The following SART3 variants were observed in gnomAD, a reference collection of about 807,000 sequenced individuals.
The protein encoded by SART3 is HIV-1 Tat-interacting protein of 110kDa.
In SART3, 44 loss-of-function variants were observed where a neutral mutation model predicts 122.3. The observed-to-expected ratio is 0.36, with a 90% confidence interval of 0.28 to 0.46. The LOEUF (loss-of-function observed/expected upper bound fraction) is 0.46, where lower values mean the gene tolerates loss of function less well. SART3 is among the 20% of genes least tolerant of loss of function. The pLI is 1.00. For synonymous variants in SART3, 442 were observed against 454.0 expected (o/e 0.97, Z 0.34); for missense variants, 1,101 against 1,229.0 (o/e 0.90, Z 1.56).
intron 5 of SART3, 95 bp from the exon 6 acceptor site, chr12:108,543,247 C>G (rs1873248710): frequency 1.4e-6 from 2 of 1,427,476 alleles, no homozygotes; most frequent in African/African-American, 2.8e-5. Flanking sequence ...CCACTAGCCC[C>G]TCCCACATCT....
chr12:108,560,309 C>A (rs2030449556), intron 1 of SART3: 1 of 162,072 alleles, frequency 6.2e-6, no homozygotes, highest in Non-Finnish European at 1.3e-5. Context: ...GAAATTCTTA[C>A]AAGCACATAC....
rs145106092 is a variant in SART3, at chr12:108,559,481, C to T, written c.312+1362G>A. On this transcript the variant is annotated intron_variant, in intron 1 of 18. Coordinates refer to ENST00000546815, the MANE Select transcript of SART3 (RefSeq NM_014706.4). ...AGGAATTCAAGAGCAGCCTGACCAACATGGTGAAACCCCGTCTCTACTAAA... is the reference window on the plus strand; with the variant it reads ...AGGAATTCAAGAGCAGCCTGACCAATATGGTGAAACCCCGTCTCTACTAAA... Among the ~76,000 whole-genome samples the T allele has an allele frequency of 2.0e-4, 30 of 152,196 alleles. 1 individual carries two copies. The East Asian group carries it at 5.4e-3, about 27-fold the overall frequency.
chr12:108,525,700 C>G lies in SART3; in HGVS notation c.2371-91G>C, dbSNP rs546351088. 1.5e-4 allele frequency: 198 copies of G among 1,344,336 alleles called. 1 individual carries two copies. The South Asian group carries it at 2.2e-3, about 15-fold the overall frequency. The allele number at this position is 1,344,336 out of a possible 1,614,324, so 83.3% of individuals were successfully genotyped here. A position where few individuals can be genotyped will look rare whatever the true frequency, so the allele number is the denominator to read the frequency against. On this transcript the variant is annotated intron_variant, in intron 16 of 18. Coordinates refer to ENST00000546815, the MANE Select transcript of SART3 (RefSeq NM_014706.4). ...CTGACACCAGCCTTGTCCCCATGAGCAGCCCAGCCAGGCAGACTAGAGCCA... is the reference window on the plus strand; with the variant it reads ...CTGACACCAGCCTTGTCCCCATGAGGAGCCCAGCCAGGCAGACTAGAGCCA...
chr12:108,524,500 C>T lies in SART3; in HGVS notation c.2530G>A (p.Ala844Thr). The stretch of plus-strand genomic sequence containing the variant: ...GATTCATTTTCATACTCCACGTAGG[C>T]CAGGCCCTGGAAGAGGCAAGATCCA... Reference protein sequence around the residue: ...TNRAGKPKGLAYVEYENESQA... With the variant: ...TNRAGKPKGLTYVEYENESQA... Residue 844 changes from alanine (A) to threonine (T), a missense_variant, in exon 18 of 19, where the codon GCC (alanine) becomes ACC (threonine). Ala to Thr is a moderately conservative substitution (Grantham distance 58). Transcript: ENST00000546815. 6.2e-7 allele frequency: 1 copy of T among 1,614,148 alleles called. No homozygotes were observed. Among genetic ancestry groups the T allele is most frequent in the Non-Finnish European group, 8.5e-7 (1 of 1,179,994 alleles).
chr12:108,549,323 C>T, intron 1 of SART3, 109 bp from the exon 2 acceptor site: 1 of 1,249,886 alleles, frequency 8.0e-7, no homozygotes, highest in East Asian at 2.5e-5. Flanking sequence ...AATAAACGTG[C>T]TATCTGAGAA....
chr12:108,526,544 G>C lies in SART3; in HGVS notation c.1925C>G (p.Ser642Cys), dbSNP rs745748830. 1 of 1,613,676 alleles carries C rather than the reference G, an allele frequency of 6.2e-7. No individual in the cohort carries two copies. The highest frequency in any genetic ancestry group is 8.5e-7 in the Non-Finnish European group (1 of 1,180,024). The change falls in exon 16 of 19, where the codon TCC becomes TGC. Residue 642 changes from serine to cysteine, a missense_variant. Transcript: ENST00000546815. Reference protein sequence around the residue: ...EWGDDEEEQPSKRRRVENSIP... With the variant: ...EWGDDEEEQPCKRRRVENSIP... ...GCTGTTCTCGACCCTTCTGCGTTTGGAAGGCTGCTCTACAGGTTTTCAAAA... is the reference window on the plus strand; with the variant it reads ...GCTGTTCTCGACCCTTCTGCGTTTGCAAGGCTGCTCTACAGGTTTTCAAAA...
At chr12:108,557,210 T>TTTG (rs961715145) in intron 1 of SART3, among the ~76,000 whole-genome samples, 3 of 128,794 alleles carry the variant, frequency 2.3e-5, no homozygotes, top group African/African-American at 9.3e-5. Context: ...GACATAGTTT[T>TTTG]TTTTTTTTTT....
chr12:108,523,730 G>C, intron 18 of SART3, 96 bp from the exon 19 acceptor site: 5 of 1,014,158 alleles, frequency 4.9e-6, no homozygotes, highest in Admixed American at 2.2e-5. Context: ...AATATAACCA[G>C]AAGTTAAAAG....
intron 13 of SART3, chr12:108,531,976 C>T (rs138553948): frequency 7.3e-5 from 35 of 481,548 alleles, no homozygotes; most frequent in South Asian, 5.5e-4. Context: ...AACGCACAGT[C>T]CCCCCCACAG....
At chr12:108,528,245 G>A (rs545477310) in intron 15 of SART3, among the ~76,000 whole-genome samples, 1 of 152,156 alleles carries the variant, frequency 6.6e-6, no homozygotes, top group African/African-American at 2.4e-5. Flanking sequence ...CACTTTGGGA[G>A]GCCAAGGCGG....
chr12:108,539,513 T>A (rs1348661984), intron 6 of SART3, among the ~76,000 whole-genome samples: 1 of 152,220 alleles, frequency 6.6e-6, no homozygotes, highest in Non-Finnish European at 1.5e-5. Flanking sequence ...AGGTTTCTTA[T>A]TCCAAATATC....
Position 108,545,342 on chromosome 12 carries a change from CA to C in SART3, c.545-20del, listed in dbSNP as rs1565864747. On this transcript the variant is annotated intron_variant, in intron 3 of 18. Coordinates refer to ENST00000546815, the MANE Select transcript of SART3 (RefSeq NM_014706.4). ...TTAGGACCTAAAAATAAGAAGTGTT[CA>C]ATTAGTTTGGGATATAAAATACCCA... 2.5e-6 allele frequency: 4 copies of C among 1,613,258 alleles called. No homozygotes were observed. The highest frequency in any genetic ancestry group is 3.4e-6 in the Non-Finnish European group (4 of 1,179,246).
At chr12:108,537,920 A>C (rs993192159) in intron 8 of SART3, 145 bp downstream of exon 8, 64 of 933,234 alleles carry the variant, frequency 6.9e-5, no homozygotes, top group Non-Finnish European at 1.1e-4. Context: ...TAACCAGTTC[A>C]TCTCTCACTC....
chr12:108,548,760 C>T (rs1318851475), intron 2 of SART3, among the ~76,000 whole-genome samples: 3 of 152,132 alleles, frequency 2.0e-5, no homozygotes, highest in Non-Finnish European at 2.9e-5. Context: ...AATATATTTA[C>T]AATTTTCTGG....
intron 9 of SART3, 47 bp downstream of exon 9, chr12:108,537,441 A>G (rs757560327): frequency 6.9e-7 from 1 of 1,459,052 alleles, no homozygotes; most frequent in Admixed American, 1.7e-5. Context: ...CAAAAGTTGT[A>G]TTAAGAACAT....
At chr12:108,546,522 CTTTT>C (rs59151146) in intron 3 of SART3, among the ~76,000 whole-genome samples, 19 of 137,602 alleles carry the variant, frequency 1.4e-4, no homozygotes, top group East Asian at 4.2e-4. Context: ...TTTTTTAATG[CTTTT>C]TTTTTTTTTT....
At chr12:108,559,483 T>C (rs2030379641) in intron 1 of SART3, among the ~76,000 whole-genome samples, 2 of 151,948 alleles carry the variant, frequency 1.3e-5, no homozygotes, top group African/African-American at 2.4e-5. Context: ...CTGACCAACA[T>C]GGTGAAACCC....
chr12:108,525,305 G>C, intron 17 of SART3, 152 bp downstream of exon 17: 1 of 759,142 alleles, frequency 1.3e-6, no homozygotes, highest in South Asian at 1.6e-5. Context: ...AATATAAGTA[G>C]AGCTAAGTGC....
chr12:108,531,282 T>C lies in SART3; in HGVS notation c.1670-2A>G, dbSNP rs1872667800. The C allele has an allele frequency of 2.5e-6, 4 of 1,612,714 alleles. No homozygotes were observed. The highest frequency in any genetic ancestry group is 2.2e-5 in the East Asian group (1 of 44,854). ...CTATATCCCAATCTTCTAAAGAACC[T>C]TGAAAGAAAGAGAAGCAAAACTTTC... is the stretch of plus-strand genomic sequence containing the variant. On this transcript the variant is annotated splice_acceptor_variant, in intron 13 of 18. Coordinates refer to ENST00000546815, the MANE Select transcript of SART3 (RefSeq NM_014706.4). LOFTEE classifies it high-confidence loss of function.
Sources: allele counts gnomAD v4.1 joint callset (sites outside exome capture counted in the v4.1 genomes callset), GRCh38; gene constraint gnomAD v4.1.1; transcripts MANE v1.5; gene names NCBI Gene and HGNC (gene_info 2026-07-23, HGNC 2026-07-21).